The following TENM3 variants were observed in gnomAD, a reference collection of about 807,000 sequenced individuals.
TENM3 encodes the protein teneurin transmembrane protein 3, also known as teneurin-3.
In TENM3, 63 loss-of-function variants were observed where a neutral mutation model predicts 255.1. The ratio of observed to expected loss-of-function variants is 0.25; its 90% CI spans 0.20 to 0.30. The LOEUF (loss-of-function observed/expected upper bound fraction) is 0.30. Among genes scored for constraint, TENM3 ranks in the 10% least tolerant of loss-of-function variants. TENM3 has a pLI of 1.00. For missense variants in TENM3, 2,929 were observed against 3,461.1 expected (o/e 0.85, Z 3.86); for synonymous variants, 1,306 against 1,322.3 (o/e 0.99, Z 0.27).
At chr4:181,804,913 G>A in the TENM3 span, among the ~76,000 whole-genome samples, 1 of 152,118 alleles carries the variant, frequency 6.6e-6, no homozygotes. Flanking sequence ...AACTCCCGGT[G>A]CCTTTTCTCA....
At chr4:182,249,952 C>T (rs1332034580) in intron 1 of TENM3, among the ~76,000 whole-genome samples, 3 of 151,458 alleles carry the variant, frequency 2.0e-5, no homozygotes, top group Admixed American at 6.6e-5. Context: ...GATGGAGTCT[C>T]GCTATGTTGT....
the TENM3 span, among the ~76,000 whole-genome samples, chr4:181,939,030 A>G: frequency 5.9e-5 from 9 of 152,132 alleles, no homozygotes; most frequent in African/African-American, 1.7e-4. Flanking sequence ...TATAAAGACA[A>G]CTCTATTTTC....
the TENM3 span, among the ~76,000 whole-genome samples, chr4:182,039,534 C>T: frequency 6.6e-6 from 1 of 152,164 alleles, no homozygotes; most frequent in Non-Finnish European, 1.5e-5. Flanking sequence ...TAACCTACTT[C>T]AGGTTCCCAC....
chr4:182,744,119 C>G, intron 19 of TENM3: 1 of 272,394 alleles, frequency 3.7e-6, no homozygotes, highest in Non-Finnish European at 4.5e-6. Flanking sequence ...TTTTTTTTAC[C>G]TTTTTTTATC....
chr4:182,303,731 A>G (rs1011964453), intron 1 of TENM3, among the ~76,000 whole-genome samples: 9 of 152,174 alleles, frequency 5.9e-5, no homozygotes, highest in South Asian at 2.1e-4. Flanking sequence ...TAGAATTTCA[A>G]TGAGATAAGG....
chr4:181,814,015 A>G, the TENM3 span, among the ~76,000 whole-genome samples: 1 of 152,228 alleles, frequency 6.6e-6, no homozygotes, highest in Non-Finnish European at 1.5e-5. Flanking sequence ...ATATACTACC[A>G]TAAAGGAAAA....
the TENM3 span, among the ~76,000 whole-genome samples, chr4:182,020,972 G>A: frequency 4.6e-5 from 7 of 151,610 alleles, no homozygotes; most frequent in Admixed American, 2.0e-4. Flanking sequence ...GATTCAGGGA[G>A]TACATCTGCA....
intron 2 of TENM3, among the ~76,000 whole-genome samples, chr4:182,337,299 C>T (rs756869256): frequency 1.7e-4 from 26 of 152,260 alleles, no homozygotes; most frequent in Non-Finnish European, 3.4e-4. Context: ...ATCTATCTAT[C>T]ACAGAGACTT....
chr4:182,166,361 T>C (rs1020220989), intron 1 of TENM3, among the ~76,000 whole-genome samples: 1 of 152,158 alleles, frequency 6.6e-6, no homozygotes, highest in African/African-American at 2.4e-5. Flanking sequence ...AAACAGTGTG[T>C]CTGGAGGGCC....
chr4:181,973,595 A>T, the TENM3 span, among the ~76,000 whole-genome samples: 2 of 152,088 alleles, frequency 1.3e-5, no homozygotes, highest in Non-Finnish European at 2.9e-5. Context: ...TACAAGAAAA[A>T]AAATAAATAA....
In TENM3 at chr4:182,278,389, G is replaced by GA. The variant is rs767122941; in HGVS notation, c.-76+34921dup. Among the ~76,000 whole-genome samples the GA allele has an allele frequency of 1.1e-4, 16 of 151,704 alleles. 1 individual carries two copies. The highest frequency in any genetic ancestry group is 6.3e-4 in the South Asian group (3 of 4,794). Reference sequence around the variant, plus strand: ...TCTCAAAAACAAAAAAAAAGAAAAAGAAAAAAAAGAAATGTACTAGCTGGG... The same window carrying GA: ...TCTCAAAAACAAAAAAAAAGAAAAAGAAAAAAAAAGAAATGTACTAGCTGGG... On this transcript the variant is annotated intron_variant, in intron 1 of 27. Transcript: ENST00000511685.
rs561009693 is a variant in TENM3, at chr4:182,462,161, C to T, written c.511+115232C>T. Among the ~76,000 whole-genome samples the T allele has an allele frequency of 3.3e-5, 5 of 151,830 alleles. No individual in the cohort carries two copies. The East Asian group carries it at 9.7e-4, about 30-fold the overall frequency. ...ATAGCTTACTGTAACCTTTAACTTC[C>T]AGGCTGTAATGATCCTCCTGCCTCA... On this transcript the variant is annotated intron_variant, in intron 3 of 27. Coordinates refer to ENST00000511685, the MANE Select transcript of TENM3 (RefSeq NM_001080477.4).
rs112656148 is a variant in TENM3 at position 182,317,461 on chromosome 4, G to GTTT, written c.-75-6478_-75-6476dup. ...ACTACAGGCATGTGCCACTGTGCCT[G>GTTT]TTTTTTTTTGTTTTGTTGTTGTTTG... On this transcript the variant is annotated intron_variant, in intron 1 of 27. Transcript: ENST00000511685. Among the ~76,000 whole-genome samples the GTTT allele has an allele frequency of 1.2e-3, 177 of 150,756 alleles. 1 individual carries two copies. The highest frequency in any genetic ancestry group is 3.9e-3 in the African/African-American group (159 of 41,042).
intron 3 of TENM3, among the ~76,000 whole-genome samples, chr4:182,413,870 A>G (rs1770184800): frequency 6.6e-6 from 1 of 152,088 alleles, no homozygotes; most frequent in East Asian, 1.9e-4. Context: ...CTATCTTAGA[A>G]GACCTTTCAA....
In TENM3 at chr4:182,541,068, A is replaced by G. The variant is rs1224532127; in HGVS notation, c.512-59856A>G. ...ATCCCATTTTACAGATGGGAAAACTAAAACCGCTAAGAGTTTAAAAAACTT... is the reference window on the plus strand; with the variant it reads ...ATCCCATTTTACAGATGGGAAAACTGAAACCGCTAAGAGTTTAAAAAACTT... On this transcript the variant is annotated intron_variant, in intron 3 of 27. Coordinates refer to ENST00000511685, the MANE Select transcript of TENM3 (RefSeq NM_001080477.4). Among the ~76,000 whole-genome samples, 13 of 152,358 alleles carry G rather than the reference A, an allele frequency of 8.5e-5. 1 individual carries two copies. Among genetic ancestry groups the G allele is most frequent in the Middle Eastern group, 3.4e-3 (1 of 294 alleles).
the TENM3 span, among the ~76,000 whole-genome samples, chr4:182,118,010 A>C: frequency 6.6e-6 from 1 of 152,146 alleles, no homozygotes; most frequent in African/African-American, 2.4e-5. Flanking sequence ...TTACGTGCTA[A>C]TGCATATGAT....
At chr4:182,209,641 C>T (rs891077932) in intron 1 of TENM3, among the ~76,000 whole-genome samples, 2 of 152,112 alleles carry the variant, frequency 1.3e-5, no homozygotes, top group Non-Finnish European at 2.9e-5. Context: ...ATTCTTCAGG[C>T]ACAGTTAGTA....
At chr4:181,921,548 T>C in the TENM3 span, among the ~76,000 whole-genome samples, 1 of 152,188 alleles carries the variant, frequency 6.6e-6, no homozygotes, top group African/African-American at 2.4e-5. Flanking sequence ...CTGTTATTGG[T>C]GTATAAGAAT....
At chr4:182,325,181 G>T (rs1763313203) in intron 2 of TENM3, among the ~76,000 whole-genome samples, 1 of 152,098 alleles carries the variant, frequency 6.6e-6, no homozygotes, top group African/African-American at 2.4e-5. Flanking sequence ...TAATAATAAA[G>T]AATATATTCA....
Sources: gnomAD v4.1 joint callset for allele counts (sites outside exome capture counted in the v4.1 genomes callset) on GRCh38, gnomAD v4.1.1 for gene constraint, MANE v1.5 for transcripts, NCBI Gene and HGNC (gene_info 2026-07-23, HGNC 2026-07-21) for gene names.